WDR27: variants seen among roughly 807,000 people sequenced by gnomAD.
WDR27 encodes WD repeat domain 27, also known as WD repeat-containing protein 27.
Under a neutral mutation model 114.4 loss-of-function variants are expected in WDR27, and 100 were observed. That is an observed-to-expected ratio of 0.87 (90% CI 0.74 to 1.03). The LOEUF (loss-of-function observed/expected upper bound fraction) is 1.03, where lower values mean the gene tolerates loss of function less well. WDR27 is among the 50% of genes least tolerant of loss of function. The pLI is 0.00. For synonymous variants in WDR27, 449 were observed against 423.1 expected, an observed-to-expected ratio of 1.06 and a Z score of -0.75; for missense variants, 1,129 against 1,092.9, an observed-to-expected ratio of 1.03 and a Z score of -0.47.
chr6:169,631,473 G>A (rs1816350168), intron 21 of WDR27, among the ~76,000 whole-genome samples: 1 of 152,148 alleles, frequency 6.6e-6, no homozygotes. Context: ...ACGCCTGTCG[G>A]AGCCTTTAAA....
chr6:169,628,059 AC>A (rs78607700), intron 21 of WDR27, among the ~76,000 whole-genome samples: 1 of 151,736 alleles, frequency 6.6e-6, no homozygotes, highest in Non-Finnish European at 1.5e-5. Flanking sequence ...ATCAGTTGAA[AC>A]CCCCACTGCA....
At chr6:169,608,179 A>G (rs1809658536) in intron 22 of WDR27, among the ~76,000 whole-genome samples, 2 of 152,252 alleles carry the variant, frequency 1.3e-5, no homozygotes, top group South Asian at 4.1e-4. Context: ...GATTTCTTAC[A>G]GCACTAAAAG....
chr6:169,473,214 C>A (rs530897972), intron 25 of WDR27, among the ~76,000 whole-genome samples: 1 of 152,170 alleles, frequency 6.6e-6, no homozygotes, highest in Non-Finnish European at 1.5e-5. Flanking sequence ...TCTTAATGTC[C>A]GGTCTCTGTC....
chr6:169,689,277 C>A (rs565062687), intron 1 of WDR27: 1 of 301,838 alleles, frequency 3.3e-6, no homozygotes, highest in South Asian at 5.9e-5. Flanking sequence ...CTTCACAGAG[C>A]CTGCTTAGGC....
At chr6:169,446,510 G>A in the WDR27 span, among the ~76,000 whole-genome samples, 11 of 152,204 alleles carry the variant, frequency 7.2e-5, no homozygotes, top group African/African-American at 2.4e-4. Context: ...AAAAGTCTGT[G>A]GCACACCGGG....
the WDR27 span, among the ~76,000 whole-genome samples, chr6:169,439,864 A>ATAT: frequency 7.4e-5 from 11 of 147,808 alleles, no homozygotes; most frequent in Middle Eastern, 3.3e-3. Flanking sequence ...TATATTACCA[A>ATAT]TATTATATTG....
intron 25 of WDR27, among the ~76,000 whole-genome samples, chr6:169,544,437 T>TG (rs1161865050): frequency 2.0e-5 from 3 of 151,742 alleles, no homozygotes; most frequent in African/African-American, 4.8e-5. Context: ...TTTTTTTTTT[T>TG]TTTGTTTGTT....
intron 25 of WDR27, among the ~76,000 whole-genome samples, chr6:169,549,178 A>C (rs967637779): frequency 2.6e-5 from 4 of 152,234 alleles, no homozygotes; most frequent in African/African-American, 9.6e-5. Context: ...TATCTAATAT[A>C]TACAAAAGAA....
At position 169,686,971 on chromosome 6, in the gene WDR27, G is replaced by A. The variant is rs541390619; in HGVS notation, c.189+1846C>T. Reference sequence around the variant, plus strand: ...TGTGGAAGTGGGGAGTAGAATGGTGGTTACTAGAGGCTGGGAAGGGAATTG... The same window carrying A: ...TGTGGAAGTGGGGAGTAGAATGGTGATTACTAGAGGCTGGGAAGGGAATTG... On this transcript the variant is annotated intron_variant, in intron 2 of 25. Coordinates refer to ENST00000448612, the MANE Select transcript of WDR27 (RefSeq NM_182552.5). 1.6e-3 allele frequency among the ~76,000 whole-genome samples: 248 copies of A among 152,258 alleles called. 1 individual carries two copies. Among genetic ancestry groups the A allele is most frequent in the African/African-American group, 5.7e-3 (238 of 41,574 alleles).
intron 13 of WDR27, among the ~76,000 whole-genome samples, chr6:169,654,774 AGGAGGCGCGTTCAGGAGAC>A (rs1271192884): frequency 6.8e-6 from 1 of 146,292 alleles, no homozygotes; most frequent in Non-Finnish European, 1.5e-5. Flanking sequence ...GCACAGCAGA[AGGAGGCGCGTTCAGGAGAC>A]GGAGGCGCGC....
At chr6:169,428,106 CAG>C in the WDR27 span, among the ~76,000 whole-genome samples, 1 of 152,176 alleles carries the variant, frequency 6.6e-6, no homozygotes, top group African/African-American at 2.4e-5. Context: ...CCCATGAAGT[CAG>C]GGGAGGGGAG....
At chr6:169,658,406 C>T (rs548151701) in intron 12 of WDR27, 48 bp from the exon 13 acceptor site, 23 of 1,403,844 alleles carry the variant, frequency 1.6e-5, no homozygotes, top group Non-Finnish European at 2.1e-5. Flanking sequence ...AACGACGATA[C>T]GATGGAAATG....
intron 25 of WDR27, among the ~76,000 whole-genome samples, chr6:169,538,810 GTTC>G (rs1796503961): frequency 6.7e-6 from 1 of 149,628 alleles, no homozygotes; most frequent in Non-Finnish European, 1.5e-5. Context: ...AAGATTTTTT[GTTC>G]TTCAGTACAC....
intron 25 of WDR27, among the ~76,000 whole-genome samples, chr6:169,516,463 TCCTCCA>T (rs1793652521): frequency 6.6e-6 from 1 of 152,042 alleles, no homozygotes; most frequent in Admixed American, 6.5e-5. Flanking sequence ...CCTCCAGAAC[TCCTCCA>T]GGGGGGCTAA....
intron 2 of WDR27, among the ~76,000 whole-genome samples, chr6:169,679,072 CAACT>C (rs143827980): frequency 0.099 from 15,087 of 152,192 alleles, 872 homozygotes; most frequent in Middle Eastern, 0.13. Context: ...TAAACTCAAC[CAACT>C]GTCAACCAGA....
chr6:169,664,570 C>A, intron 7 of WDR27: 1 of 1,294,690 alleles, frequency 7.7e-7, no homozygotes, highest in Non-Finnish European at 9.8e-7. Flanking sequence ...TCTGGGAACC[C>A]CAGGCCCCAG....
At chr6:169,602,743 ATTTG>A (rs1808265300) in intron 22 of WDR27, among the ~76,000 whole-genome samples, 2 of 152,218 alleles carry the variant, frequency 1.3e-5, no homozygotes, top group African/African-American at 4.8e-5. Flanking sequence ...GCCATATAAA[ATTTG>A]TTTATTGTAA....
intron 1 of WDR27, among the ~76,000 whole-genome samples, chr6:169,694,310 T>C (rs1411542297): frequency 6.6e-6 from 1 of 152,062 alleles, no homozygotes; most frequent in Non-Finnish European, 1.5e-5. Flanking sequence ...AAACTTTGTC[T>C]CAAAAAAATA....
intron 2 of WDR27, among the ~76,000 whole-genome samples, chr6:169,674,943 G>C (rs1485554862): frequency 2.6e-5 from 4 of 152,170 alleles, no homozygotes; most frequent in African/African-American, 7.2e-5. Flanking sequence ...GTACTCAGTG[G>C]GGGAGCTTTT....
Sources: allele counts gnomAD v4.1 joint callset (sites outside exome capture counted in the v4.1 genomes callset), GRCh38; gene constraint gnomAD v4.1.1; transcripts MANE v1.5; gene names NCBI Gene and HGNC (gene_info 2026-07-23, HGNC 2026-07-21).